Variants in TRAF6 observed in about 807,000 individuals in gnomAD.
The protein encoded by TRAF6 is TNF receptor-associated factor 6.
Under a neutral mutation model 48.4 loss-of-function variants are expected in TRAF6, and 10 were observed. The ratio of observed to expected loss-of-function variants is 0.21; its 90% CI spans 0.13 to 0.35. The LOEUF (loss-of-function observed/expected upper bound fraction) is 0.35, where lower values mean the gene tolerates loss of function less well. TRAF6 is among the 10% of genes least tolerant of loss of function. The pLI is 1.00. For missense variants in TRAF6, 397 were observed against 661.0 expected, an observed-to-expected ratio of 0.60 and a Z score of 4.38; for synonymous variants, 186 against 219.6, an observed-to-expected ratio of 0.85 and a Z score of 1.35.
rs1590631101 is a variant in TRAF6 at position 36,486,745 on chromosome 11, G to C, written c.*3093C>G. 6.6e-6 allele frequency among the ~76,000 whole-genome samples: 1 copy of C among 152,122 alleles called. No individual in the cohort carries two copies. The highest frequency in any genetic ancestry group is 2.1e-4 in the South Asian group (1 of 4,832). ...CTACCAAACTTCAAATCAACATTCAGACTTGTTTGCCAACAGCAAAATGTA... is the reference window on the plus strand; with the variant it reads ...CTACCAAACTTCAAATCAACATTCACACTTGTTTGCCAACAGCAAAATGTA... On this transcript the variant is annotated 3_prime_UTR_variant, in exon 7 of 7. Transcript: ENST00000526995.
rs5030446 is a variant in TRAF6 at position 36,500,679 on chromosome 11, T to C, written c.296+541A>G. On this transcript the variant is annotated intron_variant, in intron 2 of 6. Coordinates refer to ENST00000526995, the MANE Select transcript of TRAF6 (RefSeq NM_004620.4). ...CTGGTGGTGAGTCACAACAGGGTGGTAGCAGAGGGAGGAAGTGAGAAGGGA... is the reference window on the plus strand; with the variant it reads ...CTGGTGGTGAGTCACAACAGGGTGGCAGCAGAGGGAGGAAGTGAGAAGGGA... Among the ~76,000 whole-genome samples the C allele has an allele frequency of 6.6e-3, 1,006 of 152,204 alleles. 12 individuals are homozygous for C. The highest frequency in any genetic ancestry group is 0.022 in the African/African-American group (898 of 41,518).
rs1239480572 is a variant in TRAF6, at chr11:36,488,297, G to A, written c.*1541C>T. ...CCATAACAAACTCACCAGATCAGGA[G>A]CCTAAGGGTGGGTGGGGAGGGAGAA... On this transcript the variant is annotated 3_prime_UTR_variant, in exon 7 of 7. Transcript: ENST00000526995. The A allele has an allele frequency of 2.9e-5, 4 of 138,922 alleles. No homozygotes were observed. The highest frequency in any genetic ancestry group is 1.0e-4 in the African/African-American group (4 of 38,612). The allele number at this position is 138,922 out of a possible 1,614,324, so 8.6% of individuals were successfully genotyped here. A position where few individuals can be genotyped will look rare whatever the true frequency, so the allele number is the denominator to read the frequency against.
At chr11:36,505,674 T>G (rs960787866) in intron 1 of TRAF6, among the ~76,000 whole-genome samples, 1 of 152,226 alleles carries the variant, frequency 6.6e-6, no homozygotes, top group Non-Finnish European at 1.5e-5. Flanking sequence ...TTTGGCTAAA[T>G]GGCCCATTTT....
At chr11:36,507,946 C>G (rs1379482670) in intron 1 of TRAF6, among the ~76,000 whole-genome samples, 1 of 151,142 alleles carries the variant, frequency 6.6e-6, no homozygotes, top group Non-Finnish European at 1.5e-5. Context: ...GCCTCCACCT[C>G]TTGGGCTCAA....
chr11:36,507,857 TAC>T (rs960099526), intron 1 of TRAF6, among the ~76,000 whole-genome samples: 1 of 147,370 alleles, frequency 6.8e-6, no homozygotes, highest in Non-Finnish European at 1.5e-5. Flanking sequence ...TACATATATA[TAC>T]ACACACTTTT....
rs1260635551 is a variant in TRAF6, at chr11:36,485,431, G to C, written c.*4407C>G. Among the ~76,000 whole-genome samples the C allele has an allele frequency of 6.6e-6, 1 of 152,098 alleles. No homozygotes were observed. Among genetic ancestry groups the C allele is most frequent in the Admixed American group, 6.5e-5 (1 of 15,274 alleles). On this transcript the variant is annotated 3_prime_UTR_variant, in exon 7 of 7. Coordinates refer to ENST00000526995, the MANE Select transcript of TRAF6 (RefSeq NM_004620.4). ...TTCTCCTGGGGACTTGCATAGAAGA[G>C]AACTATGGTCACTGCTGCTTGGGCG... is the stretch of plus-strand genomic sequence containing the variant.
Position 36,501,325 on chromosome 11 carries a change from A to G in TRAF6, c.191T>C (p.Leu64Pro). The G allele has an allele frequency of 6.2e-7, 1 of 1,613,992 alleles. No homozygotes were observed. Among genetic ancestry groups the G allele is most frequent in the African/African-American group, 1.3e-5 (1 of 74,986 alleles). The change falls in exon 2 of 7, where the codon CTG (leucine) becomes CCG (proline). Residue 64 changes from leucine (L) to proline (P), a missense_variant. This residue lies in a region of TRAF6 where 73 missense variants were observed against 87.3 expected (regional missense o/e 0.84). Coordinates refer to ENST00000526995, the MANE Select transcript of TRAF6 (RefSeq NM_004620.4). Reference sequence around the variant, plus strand: ...GATGGGGCATTCATACTTGCTTTCCAGGGGTGGGTCAAACTCTACATCATA... The same window carrying G: ...GATGGGGCATTCATACTTGCTTTCCGGGGGTGGGTCAAACTCTACATCATA... ...QGYDVEFDPPLESKYECPICL... is the reference protein window; with the variant it reads ...QGYDVEFDPPPESKYECPICL...
Position 36,489,082 on chromosome 11 carries a change from G to C in TRAF6, c.*756C>G, listed in dbSNP as rs775519048. On this transcript the variant is annotated 3_prime_UTR_variant, in exon 7 of 7. Coordinates refer to ENST00000526995, the MANE Select transcript of TRAF6 (RefSeq NM_004620.4). ...AAAGGGTTACATAGCATAACAATGAGCAGTTGGTATCCACGTGGTTCTCAG... is the reference window on the plus strand; with the variant it reads ...AAAGGGTTACATAGCATAACAATGACCAGTTGGTATCCACGTGGTTCTCAG... The C allele has an allele frequency of 1.3e-5, 2 of 152,236 alleles. No individual in the cohort carries two copies. The highest frequency in any genetic ancestry group is 2.9e-5 in the Non-Finnish European group (2 of 68,080). 9.4% of individuals were successfully genotyped at this position (152,236 alleles called of 1,614,324 possible).
At position 36,489,893 on chromosome 11, in the gene TRAF6, A is replaced by G; in HGVS notation, c.1514T>C (p.Met505Thr). 1 of 1,614,188 alleles carries G rather than the reference A, an allele frequency of 6.2e-7. No individual in the cohort carries two copies. The change falls in exon 7 of 7, where the codon ATG becomes ACG. Residue 505 changes from methionine (M) to threonine (T), a missense_variant. By Grantham distance (81) the Met-to-Thr change is moderately conservative. Coordinates refer to ENST00000526995, the MANE Select transcript of TRAF6 (RefSeq NM_004620.4). ...AAAACCCTCCCTCCGAAGGCTACCC[A>G]TGTCAAAGCGGGTGGAGACCTCACA... is the stretch of plus-strand genomic sequence containing the variant. ...VRCEVSTRFD[M>T]GSLRREGFQP...
chr11:36,491,879 G>A (rs941122535), intron 6 of TRAF6, among the ~76,000 whole-genome samples: 4 of 152,160 alleles, frequency 2.6e-5, no homozygotes, highest in African/African-American at 9.7e-5. Flanking sequence ...CCCTAGCTGG[G>A]TGAAGTCATT....
At chr11:36,495,276 T>C (rs1859615048) in intron 4 of TRAF6, among the ~76,000 whole-genome samples, 1 of 152,188 alleles carries the variant, frequency 6.6e-6, no homozygotes, top group African/African-American at 2.4e-5. Context: ...AGCAGGGTAG[T>C]ATATAAAAAA....
At chr11:36,508,408 C>A (rs1859838503) in intron 1 of TRAF6, among the ~76,000 whole-genome samples, 1 of 151,650 alleles carries the variant, frequency 6.6e-6, no homozygotes, top group Non-Finnish European at 1.5e-5. Flanking sequence ...CTTAAATTCA[C>A]GAATTAGTAT....
At chr11:36,508,136 C>T (rs1376229719) in intron 1 of TRAF6, among the ~76,000 whole-genome samples, 2 of 152,118 alleles carry the variant, frequency 1.3e-5, no homozygotes, top group East Asian at 3.9e-4. Flanking sequence ...AGCCATTATG[C>T]CAGGCCTAAA....
At chr11:36,498,096 G>A (rs908802086) in intron 3 of TRAF6, among the ~76,000 whole-genome samples, 2 of 152,044 alleles carry the variant, frequency 1.3e-5, no homozygotes, top group African/African-American at 4.8e-5. Flanking sequence ...ATATTGGTCA[G>A]GCTGGTCTTG....
intron 1 of TRAF6, among the ~76,000 whole-genome samples, chr11:36,506,136 T>TAA (rs60452018): frequency 1.4e-5 from 2 of 147,720 alleles, no homozygotes; most frequent in African/African-American, 4.9e-5. Context: ...TTCAATATGT[T>TAA]AAAAAAAAAA....
At chr11:36,492,718 C>T in intron 5 of TRAF6, 90 bp from the exon 6 acceptor site, 1 of 979,280 alleles carries the variant, frequency 1.0e-6, no homozygotes, top group Admixed American at 2.2e-5. Flanking sequence ...TTGTCAATGG[C>T]TGCTTTGTAC....
intron 5 of TRAF6, among the ~76,000 whole-genome samples, chr11:36,492,859 T>C (rs890999375): frequency 2.6e-5 from 4 of 152,184 alleles, no homozygotes; most frequent in Non-Finnish European, 4.4e-5. Flanking sequence ...CCAAAATTCA[T>C]TTCAAGAAAA....
rs114258701 is a variant in TRAF6, at chr11:36,497,324, A to T, written c.448-58T>A. 3.8e-4 allele frequency: 575 copies of T among 1,505,906 alleles called. 2 individuals are homozygous for T. The African/African-American group carries it at 6.8e-3, about 18-fold the overall frequency. 93.3% of individuals were successfully genotyped at this position (1,505,906 alleles called of 1,614,324 possible). ...CCAACTCTGAAGTCTTCTACATATA[A>T]GCTCTCCTAATCATATACTGTTCTC... On this transcript the variant is annotated intron_variant, in intron 3 of 6. Transcript: ENST00000526995.
rs982327906 is a variant in TRAF6 at position 36,491,303 on chromosome 11, T to C, written c.757-653A>G. Among the ~76,000 whole-genome samples the C allele has an allele frequency of 3.4e-4, 52 of 152,144 alleles. 1 individual carries two copies. Among genetic ancestry groups the C allele is most frequent in the Non-Finnish European group, 2.6e-4 (18 of 68,022 alleles). On this transcript the variant is annotated intron_variant, in intron 6 of 6. Coordinates refer to ENST00000526995, the MANE Select transcript of TRAF6 (RefSeq NM_004620.4). ...ACGAAAAACATTCATAATACAACAA[T>C]TTTTATTATAAAAGGTCATATAGTC...
Sources: allele counts gnomAD v4.1 joint callset (sites outside exome capture counted in the v4.1 genomes callset), GRCh38; gene constraint gnomAD v4.1.1; regional missense constraint gnomAD v4.1.1; transcripts MANE v1.5; gene names NCBI Gene and HGNC (gene_info 2026-07-23, HGNC 2026-07-21).